Variants in KCNV1 observed in about 807,000 individuals in gnomAD.
KCNV1 encodes the protein potassium voltage-gated channel subfamily V member 1.
A neutral mutation model predicts 36.4 loss-of-function variants in KCNV1; 2 were observed. The observed-to-expected ratio is 0.05, with a 90% confidence interval of 0.02 to 0.17. KCNV1 has a LOEUF of 0.17. Among genes scored for constraint, KCNV1 ranks in the 10% least tolerant of loss-of-function variants. The pLI is 1.00. For synonymous variants in KCNV1, 280 were observed against 261.1 expected (o/e 1.07, Z -0.70); for missense variants, 321 against 643.6 (o/e 0.50, Z 5.42).
rs1463858715 is a variant in KCNV1 at position 109,968,716 on chromosome 8, C to T, written c.992-117G>A. 7.1e-6 allele frequency: 7 copies of T among 981,356 alleles called. No homozygotes were observed. In the South Asian group the frequency reaches 1.0e-4, roughly 14 times the overall value. 60.8% of individuals were successfully genotyped at this position (981,356 alleles called of 1,614,324 possible). A position where few individuals can be genotyped will look rare whatever the true frequency, so the allele number is the denominator to read the frequency against. On this transcript the variant is annotated intron_variant, in intron 3 of 3. Transcript: ENST00000524391. The surrounding 1 kb of genome is among the most constrained non-coding windows in gnomAD (Gnocchi z 5.3). The stretch of plus-strand genomic sequence containing the variant: ...CAAACTGCACTGCACACTTAAATGT[C>T]CCCAGCACTGGGCAATGTTCTGGGG...
chr8:109,974,332 G>A lies in KCNV1; in HGVS notation c.57C>T (p.Thr19=), dbSNP rs948391012. The A allele has an allele frequency of 1.9e-6, 3 of 1,539,546 alleles. No individual in the cohort carries two copies. Among genetic ancestry groups the A allele is most frequent in the African/African-American group, 2.7e-5 (2 of 73,116 alleles). The part of the protein sequence containing the change: ...LDSPLDSGSL[T]SLDSSVFCSE... Reference sequence around the variant, plus strand: ...TGCAGAAGACACTAGAGTCCAGGGAGGTCAGGGAGCCGCTGTCCAGCGGCG... The same window carrying A: ...TGCAGAAGACACTAGAGTCCAGGGAAGTCAGGGAGCCGCTGTCCAGCGGCG... The change falls in exon 2 of 4, where the codon ACC becomes ACT. Residue 19 remains threonine, a synonymous_variant. Coordinates refer to ENST00000524391, the MANE Select transcript of KCNV1 (RefSeq NM_014379.4). This position sits in a 1 kb window ranked among gnomAD's most constrained non-coding sequence, Gnocchi z 6.2.
In KCNV1 at chr8:109,967,151, A is replaced by G. The variant is rs1254908474; in HGVS notation, c.*937T>C. On this transcript the variant is annotated 3_prime_UTR_variant, in exon 4 of 4. Coordinates refer to ENST00000524391, the MANE Select transcript of KCNV1 (RefSeq NM_014379.4). ...TGTCCATAGTATTTTTTTGTTAACA[A>G]GTAAAAGATCTTCAAGTTCATCCAG... 1 of 152,216 alleles carries G rather than the reference A, an allele frequency of 6.6e-6. No homozygotes were observed. Among genetic ancestry groups the G allele is most frequent in the Non-Finnish European group, 1.5e-5 (1 of 68,024 alleles). 9.4% of individuals were successfully genotyped at this position (152,216 alleles called of 1,614,324 possible). A position where few individuals can be genotyped will look rare whatever the true frequency, so the allele number is the denominator to read the frequency against.
intron 3 of KCNV1, among the ~76,000 whole-genome samples, chr8:109,971,058 A>G (rs1223994940): frequency 6.6e-6 from 1 of 152,242 alleles, no homozygotes; most frequent in East Asian, 1.9e-4. Flanking sequence ...TGACATTTAT[A>G]GGAAGGACAA....
rs1332678624 is a variant in KCNV1, at chr8:109,974,753, C to G, written c.-365G>C. On this transcript the variant is annotated 5_prime_UTR_variant, in exon 2 of 4. Coordinates refer to ENST00000524391, the MANE Select transcript of KCNV1 (RefSeq NM_014379.4). The surrounding 1 kb of genome is among the most constrained non-coding windows in gnomAD (Gnocchi z 6.2). ...ACCCCGCCTCCCAACTTCGCAATTG[C>G]GATTCCCAGCCCAGGAGGTGTACAG... is the stretch of plus-strand genomic sequence containing the variant. 5 of 291,046 alleles carry G rather than the reference C, an allele frequency of 1.7e-5. No homozygotes were observed. The highest frequency in any genetic ancestry group is 9.6e-5 in the Admixed American group (2 of 20,800). 18.0% of individuals were successfully genotyped at this position (291,046 alleles called of 1,614,324 possible).
At position 109,974,701 on chromosome 8, in the gene KCNV1, T is replaced by G. The variant is rs1475957618; in HGVS notation, c.-313A>C. ...ACACAGTCCCTGTGCACACTGCCGGTCGCCCTGGCCCTTCCCAAACGTTGT... is the reference window on the plus strand; with the variant it reads ...ACACAGTCCCTGTGCACACTGCCGGGCGCCCTGGCCCTTCCCAAACGTTGT... On this transcript the variant is annotated 5_prime_UTR_variant, in exon 2 of 4. Coordinates refer to ENST00000524391, the MANE Select transcript of KCNV1 (RefSeq NM_014379.4). This position sits in a 1 kb window ranked among gnomAD's most constrained non-coding sequence, Gnocchi z 6.2. 1 of 399,804 alleles carries G rather than the reference T, an allele frequency of 2.5e-6. No individual in the cohort carries two copies. The highest frequency in any genetic ancestry group is 2.1e-5 in the African/African-American group (1 of 48,446). The allele number at this position is 399,804 out of a possible 1,614,324, so 24.8% of individuals were successfully genotyped here. A position where few individuals can be genotyped will look rare whatever the true frequency, so the allele number is the denominator to read the frequency against.
In KCNV1 at chr8:109,972,922, G is replaced by A. The variant is rs960151175; in HGVS notation, c.462-135C>T. 12 of 649,564 alleles carry A rather than the reference G, an allele frequency of 1.8e-5. No homozygotes were observed. Among genetic ancestry groups the A allele is most frequent in the Non-Finnish European group, 2.3e-5 (9 of 383,548 alleles). The allele number at this position is 649,564 out of a possible 1,614,324, so 40.2% of individuals were successfully genotyped here. The stretch of plus-strand genomic sequence containing the variant: ...AAAATGTCTATTCATATTTTACTTA[G>A]GTTGTGTCTTACCCACAGTATTCAG... On this transcript the variant is annotated intron_variant, in intron 2 of 3. Coordinates refer to ENST00000524391, the MANE Select transcript of KCNV1 (RefSeq NM_014379.4). This position sits in a 1 kb window ranked among gnomAD's most constrained non-coding sequence, Gnocchi z 5.2.
At position 109,968,800 on chromosome 8, in the gene KCNV1, G is replaced by A. The variant is rs182361247; in HGVS notation, c.992-201C>T. 6.6e-6 allele frequency among the ~76,000 whole-genome samples: 1 copy of A among 152,056 alleles called. No homozygotes were observed. The highest frequency in any genetic ancestry group is 1.5e-5 in the Non-Finnish European group (1 of 68,008). ...AGGAAGTTCACAGTCTAGTTGATGG[G>A]GCCAGGTTGAGAAGGCTAGAGAGAA... On this transcript the variant is annotated intron_variant, in intron 3 of 3. Coordinates refer to ENST00000524391, the MANE Select transcript of KCNV1 (RefSeq NM_014379.4). The surrounding 1 kb of genome is among the most constrained non-coding windows in gnomAD (Gnocchi z 5.3).
intron 2 of KCNV1, 34 bp downstream of exon 2, chr8:109,973,894 C>A (rs1275250809): frequency 6.6e-7 from 1 of 1,519,400 alleles, no homozygotes; most frequent in South Asian, 1.3e-5. Flanking sequence ...CCGCGCCCGC[C>A]TCCCCGCCCA....
Position 109,972,708 on chromosome 8 carries a change from C to G in KCNV1, c.541G>C (p.Glu181Gln). The G allele has an allele frequency of 6.2e-7, 1 of 1,614,144 alleles. No homozygotes were observed. The highest frequency in any genetic ancestry group is 8.5e-7 in the Non-Finnish European group (1 of 1,179,988). The change falls in exon 3 of 4, where the codon GAA becomes CAA. Residue 181 changes from glutamate (E) to glutamine (Q), a missense_variant. By Grantham distance (29) the Glu-to-Gln change is conservative (BLOSUM62 2). Transcript: ENST00000524391. The surrounding 1 kb of genome is among the most constrained non-coding windows in gnomAD (Gnocchi z 5.2). ...TEDQESQHES[E>Q]QDFSQGPCPT... ...CAAGGTCCTTGGGAGAAGTCCTGTT[C>G]ACTCTCATGTTGACTTTCCTGGTCT...
chr8:109,970,035 TTTTTTG>T (rs1046060239), intron 3 of KCNV1, among the ~76,000 whole-genome samples: 1 of 152,156 alleles, frequency 6.6e-6, no homozygotes, highest in African/African-American at 2.4e-5. Context: ...CTTAGAATCA[TTTTTTG>T]TTTTTATTCA....
chr8:109,968,295 A>G lies in KCNV1; in HGVS notation c.1296T>C (p.Ser432=). Residue 432 remains serine, a synonymous_variant, in exon 4 of 4, where the codon TCT becomes TCC. Transcript: ENST00000524391. This position sits in a 1 kb window ranked among gnomAD's most constrained non-coding sequence, Gnocchi z 5.3. ...TGAGTTTCAAGGTGAAGTAGCAAGC[A>G]GAGAAGCGATCGTTAATAATAGCAA... ...LPIAIINDRF[S]ACYFTLKLKE... 5.6e-6 allele frequency: 9 copies of G among 1,614,176 alleles called. No homozygotes were observed. The highest frequency in any genetic ancestry group is 1.6e-4 in the Middle Eastern group (1 of 6,062).
intron 3 of KCNV1, among the ~76,000 whole-genome samples, chr8:109,971,873 C>A (rs962566040): frequency 1.3e-5 from 2 of 152,098 alleles, no homozygotes; most frequent in African/African-American, 4.8e-5. Flanking sequence ...TGGCTTATGT[C>A]CCTATATATC....
At position 109,967,823 on chromosome 8, in the gene KCNV1, T is replaced by G; in HGVS notation, c.*265A>C. On this transcript the variant is annotated 3_prime_UTR_variant, in exon 4 of 4. Coordinates refer to ENST00000524391, the MANE Select transcript of KCNV1 (RefSeq NM_014379.4). ...TGTATTGCAATAACATTATTTTATATTTGACAATTCAAACATGTTTATATT... is the reference window on the plus strand; with the variant it reads ...TGTATTGCAATAACATTATTTTATAGTTGACAATTCAAACATGTTTATATT... 1 of 333,276 alleles carries G rather than the reference T, an allele frequency of 3.0e-6. No individual in the cohort carries two copies. The highest frequency in any genetic ancestry group is 4.3e-5 in the Admixed American group (1 of 23,104). The allele number at this position is 333,276 out of a possible 1,614,324, so 20.6% of individuals were successfully genotyped here. A position where few individuals can be genotyped will look rare whatever the true frequency, so the allele number is the denominator to read the frequency against.
chr8:109,974,512 GT>G lies in KCNV1; in HGVS notation c.-125del. On this transcript the variant is annotated 5_prime_UTR_variant, in exon 2 of 4. Transcript: ENST00000524391. This position sits in a 1 kb window ranked among gnomAD's most constrained non-coding sequence, Gnocchi z 6.2. ...CGGGATTCCCCGGGCTCCCGAAGGG[GT>G]TACCTCTCCTTGGCGCACCCTCTCC... 1 of 690,442 alleles carries G rather than the reference GT, an allele frequency of 1.4e-6. No homozygotes were observed. The highest frequency in any genetic ancestry group is 1.9e-5 in the South Asian group (1 of 51,730). 42.8% of individuals were successfully genotyped at this position (690,442 alleles called of 1,614,324 possible).
Position 109,974,653 on chromosome 8 carries a change from G to A in KCNV1, c.-265C>T, listed in dbSNP as rs1207362779. The A allele has an allele frequency of 7.4e-6, 4 of 540,376 alleles. No homozygotes were observed. The highest frequency in any genetic ancestry group is 9.8e-6 in the Non-Finnish European group (3 of 304,974). 33.5% of individuals were successfully genotyped at this position (540,376 alleles called of 1,614,324 possible). ...AGAGGAAGGGTCGCGCTAAGAGAGA[G>A]GATCAGGTGAGGTCCAAGCCCGACA... On this transcript the variant is annotated 5_prime_UTR_variant, in exon 2 of 4. Coordinates refer to ENST00000524391, the MANE Select transcript of KCNV1 (RefSeq NM_014379.4). The surrounding 1 kb of genome is among the most constrained non-coding windows in gnomAD (Gnocchi z 6.2).
Position 109,965,348 on chromosome 8 carries a change from A to G in KCNV1, c.*2740T>C, listed in dbSNP as rs575560513. The G allele has an allele frequency of 1.5e-4, 23 of 152,330 alleles. No homozygotes were observed. The East Asian group carries it at 4.2e-3, about 28-fold the overall frequency. 9.4% of individuals were successfully genotyped at this position (152,330 alleles called of 1,614,324 possible). A position where few individuals can be genotyped will look rare whatever the true frequency, so the allele number is the denominator to read the frequency against. ...ATTCTTAGATGTTTAAAAAGTGTTT[A>G]CTGTTTTAAAATAATGGGTTATAAA... On this transcript the variant is annotated 3_prime_UTR_variant, in exon 4 of 4. Transcript: ENST00000524391.
chr8:109,974,455 G>T lies in KCNV1; in HGVS notation c.-67C>A. The T allele has an allele frequency of 8.2e-7, 1 of 1,221,072 alleles. No homozygotes were observed. Among genetic ancestry groups the T allele is most frequent in the Non-Finnish European group, 1.1e-6 (1 of 904,448 alleles). The allele number at this position is 1,221,072 out of a possible 1,614,324, so 75.6% of individuals were successfully genotyped here. On this transcript the variant is annotated 5_prime_UTR_variant, in exon 2 of 4. Transcript: ENST00000524391. This position sits in a 1 kb window ranked among gnomAD's most constrained non-coding sequence, Gnocchi z 6.2. ...GGGACACGCCGGAAGCTTTGGTCCCGCGAGGGCGGTGGCACGGCCCCTGGT... is the reference window on the plus strand; with the variant it reads ...GGGACACGCCGGAAGCTTTGGTCCCTCGAGGGCGGTGGCACGGCCCCTGGT...
intron 1 of KCNV1, 107 bp from the exon 2 acceptor site, chr8:109,975,299 C>T (rs1272178770): frequency 6.6e-6 from 1 of 152,384 alleles, no homozygotes; most frequent in Non-Finnish European, 1.5e-5. Flanking sequence ...GAGGGTCCAC[C>T]TCGTGTTGAG....
chr8:109,968,219 T>C lies in KCNV1; in HGVS notation c.1372A>G (p.Ile458Val). The change falls in exon 4 of 4, where the codon ATA (isoleucine) becomes GTA (valine). Residue 458 changes from isoleucine to valine, a missense_variant. Coordinates refer to ENST00000524391, the MANE Select transcript of KCNV1 (RefSeq NM_014379.4). The surrounding 1 kb of genome is among the most constrained non-coding windows in gnomAD (Gnocchi z 5.3). The part of the protein sequence containing the change: ...REALKKLTKN[I>V]ATDSYISVNL... ...ACACTGATATATGAGTCAGTGGCTA[T>C]ATTCTTGGTAAGCTTCTTTAGGGCT... 6.2e-7 allele frequency: 1 copy of C among 1,614,212 alleles called. No individual in the cohort carries two copies. The highest frequency in any genetic ancestry group is 1.1e-5 in the South Asian group (1 of 91,086).
Sources: allele counts gnomAD v4.1 joint callset (sites outside exome capture counted in the v4.1 genomes callset), GRCh38; gene constraint gnomAD v4.1.1; non-coding constraint Gnocchi (gnomAD v3.1); transcripts MANE v1.5; gene names NCBI Gene and HGNC (gene_info 2026-07-23, HGNC 2026-07-21).